The following TMEM108 variants were observed in gnomAD, a reference collection of about 807,000 sequenced individuals.
TMEM108 encodes the protein cancer/testis antigen 124.
Under a neutral mutation model 35.1 loss-of-function variants are expected in TMEM108, and 12 were observed. The observed-to-expected ratio is 0.34, with a 90% CI of 0.22 to 0.55. The LOEUF is 0.55. TMEM108 is among the 20% of genes least tolerant of loss of function. TMEM108 has a pLI of 0.89. For missense variants in TMEM108, 680 were observed against 753.3 expected, an observed-to-expected ratio of 0.90 and a Z score of 1.14; for synonymous variants, 287 against 308.6, an observed-to-expected ratio of 0.93 and a Z score of 0.73.
chr3:133,041,824 T>C (rs1943280041), intron 1 of TMEM108: 4 of 152,218 alleles, frequency 2.6e-5, no homozygotes, highest in African/African-American at 9.6e-5. Flanking sequence ...TATGGAAATA[T>C]ACATGTGACT....
chr3:133,281,238 T>C (rs1364504427), intron 3 of TMEM108, among the ~76,000 whole-genome samples: 1 of 152,198 alleles, frequency 6.6e-6, no homozygotes, highest in African/African-American at 2.4e-5. Flanking sequence ...AGGGTTCCCA[T>C]GTTTAAATAT....
intron 3 of TMEM108, among the ~76,000 whole-genome samples, chr3:133,318,713 A>G (rs1195313403): frequency 6.6e-6 from 1 of 152,186 alleles, no homozygotes; most frequent in East Asian, 1.9e-4. Context: ...AATAACATAT[A>G]GATTAAAAAT....
rs551702657 is a variant in TMEM108 at position 133,127,915 on chromosome 3, G to T, written c.-47+81895G>T. Reference sequence around the variant, plus strand: ...TCCAGATTTCTAGAGTGGCTGGGCCGAGAAACTTTACTTCCTGTTCACCTA... The same window carrying T: ...TCCAGATTTCTAGAGTGGCTGGGCCTAGAAACTTTACTTCCTGTTCACCTA... On this transcript the variant is annotated intron_variant, in intron 2 of 5. Coordinates refer to ENST00000321871, the MANE Select transcript of TMEM108 (RefSeq NM_023943.4). Among the ~76,000 whole-genome samples the T allele has an allele frequency of 2.1e-3, 315 of 152,266 alleles. 5 individuals carry two copies. Among genetic ancestry groups the T allele is most frequent in the Non-Finnish European group, 4.0e-4 (27 of 68,022 alleles).
intron 2 of TMEM108, among the ~76,000 whole-genome samples, chr3:133,215,286 A>G (rs1271950675): frequency 2.0e-5 from 3 of 152,080 alleles, no homozygotes; most frequent in Non-Finnish European, 4.4e-5. Context: ...CTGTGCTTAG[A>G]AACACTAAAC....
intron 2 of TMEM108, among the ~76,000 whole-genome samples, chr3:133,179,845 A>T (rs993331634): frequency 3.3e-5 from 5 of 151,862 alleles, no homozygotes; most frequent in African/African-American, 1.2e-4. Flanking sequence ...TTCTTAGAAG[A>T]CTAGAGCAAA....
intron 2 of TMEM108, among the ~76,000 whole-genome samples, chr3:133,111,439 T>G (rs556920469): frequency 2.6e-5 from 4 of 152,074 alleles, no homozygotes; most frequent in Admixed American, 1.3e-4. Context: ...TCATCATGAG[T>G]CTCTTTAATT....
At chr3:133,040,625 G>T (rs1044790582) in intron 1 of TMEM108, among the ~76,000 whole-genome samples, 1 of 152,078 alleles carries the variant, frequency 6.6e-6, no homozygotes, top group Non-Finnish European at 1.5e-5. Context: ...TCCATAAACC[G>T]CAAAGGGTAT....
At chr3:133,172,238 T>A (rs1215153290) in intron 2 of TMEM108, among the ~76,000 whole-genome samples, 1 of 152,200 alleles carries the variant, frequency 6.6e-6, no homozygotes, top group Non-Finnish European at 1.5e-5. Context: ...GATTGGACCC[T>A]GGACAATCTG....
chr3:133,236,076 A>G (rs542728407), intron 3 of TMEM108, among the ~76,000 whole-genome samples: 6 of 152,142 alleles, frequency 3.9e-5, no homozygotes, highest in Admixed American at 6.6e-5. Flanking sequence ...ATGTTTTTAC[A>G]TATCAATATC....
chr3:133,263,998 A>G (rs1004135461), intron 3 of TMEM108, among the ~76,000 whole-genome samples: 2 of 152,170 alleles, frequency 1.3e-5, no homozygotes, highest in African/African-American at 4.8e-5. Context: ...ATTTTTAGAT[A>G]TTCTACTTTC....
intron 1 of TMEM108, among the ~76,000 whole-genome samples, chr3:133,045,029 G>A (rs968007118): frequency 2.0e-5 from 3 of 150,696 alleles, no homozygotes; most frequent in Non-Finnish European, 4.4e-5. Context: ...GTGCAGTGGC[G>A]TGATCTCAGC....
chr3:133,261,655 A>G (rs1576419051), intron 3 of TMEM108, among the ~76,000 whole-genome samples: 1 of 152,314 alleles, frequency 6.6e-6, no homozygotes, highest in Non-Finnish European at 1.5e-5. Context: ...GAATATTTCC[A>G]TTTTAAGAAG....
intron 2 of TMEM108, among the ~76,000 whole-genome samples, chr3:133,076,923 G>T (rs993971471): frequency 6.6e-6 from 1 of 152,210 alleles, no homozygotes; most frequent in African/African-American, 2.4e-5. Flanking sequence ...CAAGTGCAAG[G>T]CCAAGAAATC....
chr3:133,172,983 T>C (rs1945153085), intron 2 of TMEM108, among the ~76,000 whole-genome samples: 1 of 152,168 alleles, frequency 6.6e-6, no homozygotes, highest in Admixed American at 6.5e-5. Flanking sequence ...CCTTCCACCA[T>C]GATTGTGAGG....
At chr3:133,273,795 A>G (rs1946803290) in intron 3 of TMEM108, among the ~76,000 whole-genome samples, 1 of 152,162 alleles carries the variant, frequency 6.6e-6, no homozygotes, top group Non-Finnish European at 1.5e-5. Flanking sequence ...TCATGCCTCC[A>G]TGGTGTTGTT....
intron 2 of TMEM108, among the ~76,000 whole-genome samples, chr3:133,050,330 T>G (rs1425145381): frequency 6.6e-6 from 1 of 152,118 alleles, no homozygotes; most frequent in African/African-American, 2.4e-5. Flanking sequence ...TTAAAAATAG[T>G]TTATTCACTC....
At chr3:133,243,770 G>T (rs1001727517) in intron 3 of TMEM108, among the ~76,000 whole-genome samples, 1 of 13,446 alleles carries the variant, frequency 7.4e-5, no homozygotes, top group African/African-American at 1.1e-4. Flanking sequence ...TGATCCACCC[G>T]CCTTGGCCTC....
chr3:133,283,673 G>A (rs903636097), intron 3 of TMEM108, among the ~76,000 whole-genome samples: 6 of 152,196 alleles, frequency 3.9e-5, no homozygotes, highest in Non-Finnish European at 8.8e-5. Flanking sequence ...TCCAGATGAA[G>A]CTTAATTTCT....
At chr3:133,321,531 G>C (rs573221063) in intron 3 of TMEM108, among the ~76,000 whole-genome samples, 1 of 152,134 alleles carries the variant, frequency 6.6e-6, no homozygotes, top group East Asian at 1.9e-4. Context: ...ATTATTACTA[G>C]ACATAAGAAA....
Sources: gnomAD v4.1 joint callset for allele counts (sites outside exome capture counted in the v4.1 genomes callset) on GRCh38, gnomAD v4.1.1 for gene constraint, MANE v1.5 for transcripts, NCBI Gene and HGNC (gene_info 2026-07-23, HGNC 2026-07-21) for gene names.